LTBP1: variants seen among roughly 807,000 people sequenced by gnomAD.
The protein encoded by LTBP1 is latent transforming growth factor beta binding protein 1.
In LTBP1, 129 loss-of-function variants were observed where a neutral mutation model predicts 207.6. The ratio of observed to expected loss-of-function variants is 0.62; its 90% CI spans 0.54 to 0.72. LTBP1 has a LOEUF of 0.72. Among genes scored for constraint, LTBP1 ranks in the 30% least tolerant of loss-of-function variants. The pLI is 0.00. For missense variants in LTBP1, 2,281 were observed against 2,217.2 expected (o/e 1.03, Z -0.58); for synonymous variants, 963 against 833.7 (o/e 1.16, Z -2.67).
At chr2:33,097,705 TAA>T (rs1558633112) in intron 3 of LTBP1, among the ~76,000 whole-genome samples, 1 of 152,182 alleles carries the variant, frequency 6.6e-6, no homozygotes, top group East Asian at 1.9e-4. Context: ...TAGTGCTTAA[TAA>T]ACAATAAGGA....
chr2:32,987,754 A>C (rs1025039082), intron 2 of LTBP1, among the ~76,000 whole-genome samples: 5 of 152,184 alleles, frequency 3.3e-5, no homozygotes, highest in African/African-American at 1.2e-4. Flanking sequence ...GCTGTGCCAC[A>C]TCCATGCATT....
intron 8 of LTBP1, among the ~76,000 whole-genome samples, chr2:33,221,090 A>G (rs2091070129): frequency 6.6e-6 from 1 of 151,900 alleles, no homozygotes; most frequent in East Asian, 1.9e-4. Flanking sequence ...TCCCATTTTG[A>G]TTATAGCTTG....
Position 33,277,795 on chromosome 2 carries a change from TTCTCTCTC to T in LTBP1, c.2992+1876_2992+1883del, listed in dbSNP as rs755630785. ...TTTCTTTCTTTCTTTCTTTCTTTCT[TTCTCTCTC>T]TCTTTCTTTTTTTCTTTCTTTCTTT... On this transcript the variant is annotated intron_variant, in intron 18 of 33. Transcript: ENST00000404816. 3.4e-3 allele frequency among the ~76,000 whole-genome samples: 366 copies of T among 107,880 alleles called. 4 individuals carry two copies. Among genetic ancestry groups the T allele is most frequent in the African/African-American group, 0.013 (320 of 24,856 alleles). The allele number at this position is 107,880 out of a possible 152,430, so 70.8% of individuals were successfully genotyped here.
Position 33,271,857 on chromosome 2 carries a change from A to G in LTBP1, c.2618-1799A>G, listed in dbSNP as rs115232904. Among the ~76,000 whole-genome samples, 1,486 of 152,190 alleles carry G rather than the reference A, an allele frequency of 9.8e-3. 32 individuals carry two copies. Among genetic ancestry groups the G allele is most frequent in the African/African-American group, 0.034 (1,412 of 41,516 alleles). ...TATGTATAATTCATTGTTTTGTGTT[A>G]TTATTGCCAGTCACTTAAGTTTAGG... On this transcript the variant is annotated intron_variant, in intron 15 of 33. Transcript: ENST00000404816.
chr2:33,391,257 T>G (rs1369233983), intron 32 of LTBP1, among the ~76,000 whole-genome samples: 1 of 94,762 alleles, frequency 1.1e-5, no homozygotes, highest in Non-Finnish European at 2.1e-5. Flanking sequence ...CCCACCCCCC[T>G]CCCTAGGGTA....
At chr2:33,294,984 A>G (rs1398146093) in intron 20 of LTBP1, among the ~76,000 whole-genome samples, 1 of 151,808 alleles carries the variant, frequency 6.6e-6, no homozygotes, top group African/African-American at 2.4e-5. Flanking sequence ...TGATACATAT[A>G]TTGTATCATG....
intron 31 of LTBP1, among the ~76,000 whole-genome samples, chr2:33,378,181 ATATATGTGTG>A (rs749643273): frequency 8.6e-6 from 1 of 115,924 alleles, no homozygotes; most frequent in Non-Finnish European, 1.8e-5. Context: ...TCATATATAT[ATATATGTGTG>A]TGTGTGTGTG....
intron 2 of LTBP1, among the ~76,000 whole-genome samples, chr2:32,993,320 G>T (rs1284466289): frequency 6.6e-6 from 1 of 152,136 alleles, no homozygotes; most frequent in African/African-American, 2.4e-5. Context: ...GGGAAAATTG[G>T]TGGAGACAGC....
intron 2 of LTBP1, among the ~76,000 whole-genome samples, chr2:32,957,468 G>A (rs574391870): frequency 1.2e-3 from 186 of 152,176 alleles, no homozygotes; most frequent in Non-Finnish European, 2.1e-3. Flanking sequence ...AAGGGAGAGA[G>A]ATGAGGGAAC....
chr2:33,123,416 T>C (rs17325656), intron 4 of LTBP1, among the ~76,000 whole-genome samples: 3,577 of 152,262 alleles, frequency 0.023, 63 homozygotes, highest in Non-Finnish European at 0.038. Flanking sequence ...ATGGGTTTTC[T>C]GGCAACCACA....
intron 3 of LTBP1, among the ~76,000 whole-genome samples, chr2:33,056,101 A>G (rs1201837564): frequency 6.6e-6 from 1 of 151,488 alleles, no homozygotes; most frequent in African/African-American, 2.4e-5. Context: ...AAGCTGCAGG[A>G]TGATAGTATT....
At chr2:33,137,429 A>G (rs2082232107) in intron 5 of LTBP1, among the ~76,000 whole-genome samples, 1 of 152,230 alleles carries the variant, frequency 6.6e-6, no homozygotes, top group Non-Finnish European at 1.5e-5. Flanking sequence ...GCCAGATAGT[A>G]TAAAATATGT....
chr2:33,190,840 G>A (rs567373713), intron 7 of LTBP1, among the ~76,000 whole-genome samples: 2 of 152,232 alleles, frequency 1.3e-5, no homozygotes, highest in Admixed American at 1.3e-4. Flanking sequence ...CCTGAAATGC[G>A]ACTACAGGGG....
At chr2:33,047,930 T>G (rs2149474105) in intron 3 of LTBP1, among the ~76,000 whole-genome samples, 1 of 152,342 alleles carries the variant, frequency 6.6e-6, no homozygotes, top group Admixed American at 6.5e-5. Flanking sequence ...GAGACTAGGA[T>G]TGCAACCTCT....
Position 32,947,753 on chromosome 2 carries a change from G to A in LTBP1, c.429G>A (p.Val143=). 2 of 1,531,150 alleles carry A rather than the reference G, an allele frequency of 1.3e-6. No individual in the cohort carries two copies. The highest frequency in any genetic ancestry group is 1.8e-6 in the Non-Finnish European group (2 of 1,139,816). The allele number at this position is 1,531,150 out of a possible 1,614,324, so 94.8% of individuals were successfully genotyped here. The change falls in exon 1 of 34, where the codon GTG becomes GTA. Residue 143 remains valine, a synonymous_variant. Coordinates refer to ENST00000404816, the MANE Select transcript of LTBP1 (RefSeq NM_206943.4). The part of the protein sequence containing the change: ...KQGRQVVRSK[V]PQETQSGGGS... ...GCAGGCAAGTTGTGCGCTCCAAGGT[G>A]CCGCAGGAGACCCAGAGCGGCGGAG... is the stretch of plus-strand genomic sequence containing the variant.
In LTBP1 at chr2:32,978,970, G is replaced by C. The variant is rs145900841; in HGVS notation, c.565+30025G>C. 3.7e-3 allele frequency among the ~76,000 whole-genome samples: 567 copies of C among 151,630 alleles called. 6 individuals are homozygous for C. Among genetic ancestry groups the C allele is most frequent in the African/African-American group, 0.013 (544 of 41,424 alleles). On this transcript the variant is annotated intron_variant, in intron 2 of 33. Transcript: ENST00000404816. ...CTGGGAGTTGATCCATTTCTCCTAG[G>C]TTTTCTAATTTATTGGCATATAGTT...
intron 2 of LTBP1, among the ~76,000 whole-genome samples, chr2:33,020,085 T>C (rs2075088390): frequency 1.3e-5 from 2 of 152,180 alleles, no homozygotes; most frequent in African/African-American, 4.8e-5. Flanking sequence ...AAATAGGAGA[T>C]GAAGAAGTTG....
chr2:33,250,175 A>G (rs560809732), intron 10 of LTBP1, among the ~76,000 whole-genome samples: 2 of 152,356 alleles, frequency 1.3e-5, no homozygotes, highest in African/African-American at 2.4e-5. Context: ...TGAAATGACA[A>G]AAAGAACAAC....
intron 7 of LTBP1, among the ~76,000 whole-genome samples, chr2:33,212,174 G>C (rs1343549499): frequency 6.6e-6 from 1 of 152,202 alleles, no homozygotes; most frequent in South Asian, 2.1e-4. Context: ...TGTTCATACA[G>C]ATGTGCACAT....
Sources: allele counts gnomAD v4.1 joint callset (sites outside exome capture counted in the v4.1 genomes callset), GRCh38; gene constraint gnomAD v4.1.1; transcripts MANE v1.5; gene names NCBI Gene and HGNC (gene_info 2026-07-23, HGNC 2026-07-21).